Variants in PREX2 observed in about 807,000 individuals in gnomAD.
PREX2 encodes phosphatidylinositol 3,4,5-trisphosphate-dependent Rac exchanger 2 protein.
PREX2 carries 107 observed loss-of-function variants against 203.2 expected under a neutral mutation model. That is an observed-to-expected ratio of 0.53 (90% confidence interval 0.45 to 0.62). The LOEUF is 0.62. Ranked by LOEUF, PREX2 falls within the 20% of genes least tolerant of loss-of-function variation. The pLI is 0.00. For missense variants in PREX2, 1,777 were observed against 1,955.9 expected, an observed-to-expected ratio of 0.91 and a Z score of 1.72; for synonymous variants, 672 against 663.6, an observed-to-expected ratio of 1.01 and a Z score of -0.19.
intron 10 of PREX2, among the ~76,000 whole-genome samples, chr8:68,059,959 C>T (rs1808798672): frequency 6.6e-6 from 1 of 152,180 alleles, no homozygotes; most frequent in Admixed American, 6.5e-5. Context: ...ATGCCACTAG[C>T]CTGAGAAAAC....
intron 6 of PREX2, among the ~76,000 whole-genome samples, chr8:68,031,053 GGT>G (rs752632955): frequency 1.3e-5 from 2 of 152,030 alleles, no homozygotes; most frequent in Non-Finnish European, 2.9e-5. Context: ...CTCTAAATTA[GGT>G]GTTCACTTAA....
At chr8:68,040,643 C>T (rs1020754379) in intron 7 of PREX2, among the ~76,000 whole-genome samples, 1 of 152,178 alleles carries the variant, frequency 6.6e-6, no homozygotes, top group Non-Finnish European at 1.5e-5. Flanking sequence ...AATGTGGCCT[C>T]CCAGTCACTA....
intron 25 of PREX2, 95 bp downstream of exon 25, chr8:68,109,718 G>A (rs1810499814): frequency 9.9e-7 from 1 of 1,007,998 alleles, no homozygotes; most frequent in Non-Finnish European, 1.5e-6. Flanking sequence ...TTAGTTATTG[G>A]AAATTTAGGA....
rs75007407 is a variant in PREX2 at position 68,076,456 on chromosome 8, T to TA, written c.1570-931dup. 4.1e-3 allele frequency among the ~76,000 whole-genome samples: 613 copies of TA among 149,208 alleles called. 3 individuals carry two copies. Among genetic ancestry groups the TA allele is most frequent in the African/African-American group, 0.012 (490 of 40,600 alleles). On this transcript the variant is annotated intron_variant, in intron 14 of 39. Transcript: ENST00000288368. ...TGAGCGACAGAGTGAGACTCCATCTTAAAAAAAAAATAGCTTAATTGTTAG... is the reference window on the plus strand; with the variant it reads ...TGAGCGACAGAGTGAGACTCCATCTTAAAAAAAAAAATAGCTTAATTGTTAG...
At chr8:68,132,406 A>G (rs774651034) in intron 31 of PREX2, among the ~76,000 whole-genome samples, 1 of 151,988 alleles carries the variant, frequency 6.6e-6, no homozygotes, top group Non-Finnish European at 1.5e-5. Flanking sequence ...GAATGGCCAC[A>G]TTCCACCATT....
chr8:68,038,075 A>G (rs559664438), intron 6 of PREX2, 84 bp from the exon 7 acceptor site: 2 of 1,419,188 alleles, frequency 1.4e-6, no homozygotes, highest in South Asian at 2.6e-5. Flanking sequence ...AAATAAAAAC[A>G]ACCATAATTG....
intron 1 of PREX2, among the ~76,000 whole-genome samples, chr8:67,992,437 C>T (rs1214749159): frequency 6.6e-6 from 1 of 152,176 alleles, no homozygotes; most frequent in Non-Finnish European, 1.5e-5. Flanking sequence ...ATTCAACAAG[C>T]ATTTAGGCTG....
chr8:67,980,828 C>G (rs533269181), intron 1 of PREX2, among the ~76,000 whole-genome samples: 2 of 152,186 alleles, frequency 1.3e-5, no homozygotes, highest in Non-Finnish European at 2.9e-5. Context: ...CTGTCATGAT[C>G]GTAAGTTTCC....
In PREX2 at chr8:67,976,546, GAGAC is replaced by G. The variant is rs1437581475; in HGVS notation, c.141+24015_141+24018del. Among the ~76,000 whole-genome samples the G allele has an allele frequency of 4.4e-5, 5 of 113,146 alleles. 1 individual carries two copies. Among genetic ancestry groups the G allele is most frequent in the African/African-American group, 6.4e-5 (2 of 31,052 alleles). The allele number at this position is 113,146 out of a possible 152,430, so 74.2% of individuals were successfully genotyped here. Reference sequence around the variant, plus strand: ...GAGACAGAGAGAGAGAGACGGGAGAGAGACAGAGAGAGAGAGACAGAGACAGAGA... The same window carrying G: ...GAGACAGAGAGAGAGAGACGGGAGAGAGAGAGAGAGAGACAGAGACAGAGA... On this transcript the variant is annotated intron_variant, in intron 1 of 39. Transcript: ENST00000288368.
intron 1 of PREX2, among the ~76,000 whole-genome samples, chr8:67,960,487 C>A (rs1176653276): frequency 1.3e-5 from 2 of 152,102 alleles, no homozygotes; most frequent in African/African-American, 4.8e-5. Flanking sequence ...CTTTTCCAAG[C>A]CTGGAGGCAT....
intron 1 of PREX2, among the ~76,000 whole-genome samples, chr8:67,982,268 T>A (rs758785438): frequency 5.9e-5 from 9 of 151,910 alleles, no homozygotes; most frequent in Non-Finnish European, 8.8e-5. Flanking sequence ...TATAAAAATT[T>A]AAAAAAAAGC....
chr8:68,211,189 A>G lies in PREX2; in HGVS notation c.4605-6427A>G, dbSNP rs192394237. 4.4e-4 allele frequency among the ~76,000 whole-genome samples: 67 copies of G among 152,348 alleles called. No individual in the cohort carries two copies. The Middle Eastern group carries it at 0.014, about 31-fold the overall frequency. On this transcript the variant is annotated intron_variant, in intron 37 of 39. Transcript: ENST00000288368. ...AACTGGGACAAACACCTGAAAAAACAATCACAAAGAATGTTATCAGCAAAT... is the reference window on the plus strand; with the variant it reads ...AACTGGGACAAACACCTGAAAAAACGATCACAAAGAATGTTATCAGCAAAT...
chr8:67,993,019 C>T (rs998936364), intron 1 of PREX2, among the ~76,000 whole-genome samples: 1 of 152,118 alleles, frequency 6.6e-6, no homozygotes, highest in Non-Finnish European at 1.5e-5. Context: ...ATAACTTGAA[C>T]CACTTGAAAC....
intron 1 of PREX2, among the ~76,000 whole-genome samples, chr8:67,993,856 G>A (rs1480021694): frequency 1.3e-5 from 2 of 152,088 alleles, no homozygotes; most frequent in East Asian, 1.9e-4. Context: ...AAAAATATAT[G>A]AGCCAAAGGA....
intron 37 of PREX2, among the ~76,000 whole-genome samples, chr8:68,193,358 AACATGCAGTTTTGTT>A: frequency 6.6e-6 from 1 of 152,308 alleles, no homozygotes; most frequent in African/African-American, 2.4e-5. Context: ...ACATGCACAG[AACATGCAGTTTTGTT>A]ACATAGGTAT....
intron 35 of PREX2, among the ~76,000 whole-genome samples, chr8:68,190,505 T>C (rs531745958): frequency 4.6e-4 from 70 of 152,264 alleles, no homozygotes; most frequent in Non-Finnish European, 8.5e-4. Context: ...TAATACCATA[T>C]GTTCCCACTT....
At chr8:67,954,405 GTTAT>G (rs956859256) in intron 1 of PREX2, among the ~76,000 whole-genome samples, 2 of 152,148 alleles carry the variant, frequency 1.3e-5, no homozygotes, top group African/African-American at 4.8e-5. Flanking sequence ...TTTTTAGGGT[GTTAT>G]TTATAGCAAC....
At chr8:68,066,262 A>G (rs1450933491) in intron 11 of PREX2, among the ~76,000 whole-genome samples, 5 of 152,104 alleles carry the variant, frequency 3.3e-5, no homozygotes, top group Non-Finnish European at 4.4e-5. Context: ...GCTGGATCAT[A>G]TGGTAGTTCT....
At position 68,118,564 on chromosome 8, in the gene PREX2, A is replaced by G; in HGVS notation, c.3341A>G (p.Asn1114Ser). 1.9e-6 allele frequency: 3 copies of G among 1,613,820 alleles called. No individual in the cohort carries two copies. Among genetic ancestry groups the G allele is most frequent in the African/African-American group, 2.7e-5 (2 of 75,042 alleles). The change falls in exon 27 of 40, where the codon AAT becomes AGT. Residue 1114 changes from asparagine (N) to serine (S), a missense_variant. Physicochemically the swap from Asn to Ser is conservative, Grantham distance 46. Transcript: ENST00000288368. ...NRDSYSDCNS[N>S]RNSIASFTSI... ...GTTGTTTTCAGTGACTGCAACAGCA[A>G]TAGGAATTCCATCGCCTCCTTCACC... is the stretch of plus-strand genomic sequence containing the variant.
Sources: gnomAD v4.1 joint callset for allele counts (sites outside exome capture counted in the v4.1 genomes callset) on GRCh38, gnomAD v4.1.1 for gene constraint, MANE v1.5 for transcripts, NCBI Gene and HGNC (gene_info 2026-07-23, HGNC 2026-07-21) for gene names.